The following TRANK1 variants were observed in gnomAD, a reference collection of about 807,000 sequenced individuals.
TRANK1 encodes tetratricopeptide repeat and ankyrin repeat containing 1.
In TRANK1, 198 loss-of-function variants were observed where a neutral mutation model predicts 266.0. The observed-to-expected ratio is 0.74, with a 90% CI of 0.66 to 0.84. TRANK1 has a LOEUF of 0.84. Ranked by LOEUF, TRANK1 falls within the 40% of genes least tolerant of loss-of-function variation. The pLI, the probability that TRANK1 is intolerant of heterozygous loss-of-function variation, is 0.00. For synonymous variants in TRANK1, 1,396 were observed against 1,384.1 expected, an observed-to-expected ratio of 1.01 and a Z score of -0.19; for missense variants, 3,326 against 3,634.6, an observed-to-expected ratio of 0.92 and a Z score of 2.18.
chr3:36,884,802 A>C (rs1460486278), intron 8 of TRANK1, among the ~76,000 whole-genome samples: 1 of 152,036 alleles, frequency 6.6e-6, no homozygotes, highest in Non-Finnish European at 1.5e-5. Context: ...GCATGGTGGC[A>C]CACACCTGTA....
chr3:36,831,940 A>T lies in TRANK1; in HGVS notation c.7643T>A (p.Phe2548Tyr), dbSNP rs756344037. The part of the protein sequence containing the change: ...NVNFNVLLDA[F>Y]SEIDYVVSGE... ...CGAGACCACATAGTCTATTTCACTG[A>T]AGGCATCAAGCAGGACGTTGAAGTT... Residue 2548 changes from phenylalanine to tyrosine, a missense_variant, in exon 22 of 24, where the codon TTC (phenylalanine) becomes TAC (tyrosine). Physicochemically the swap from Phe to Tyr is conservative, Grantham distance 22 (BLOSUM62 3). Transcript: ENST00000645898. This position sits in a 1 kb window ranked among gnomAD's most constrained non-coding sequence, Gnocchi z 5.0. 3 of 1,614,002 alleles carry T rather than the reference A, an allele frequency of 1.9e-6. No homozygotes were observed. Among genetic ancestry groups the T allele is most frequent in the South Asian group, 1.1e-5 (1 of 91,076 alleles).
intron 8 of TRANK1, among the ~76,000 whole-genome samples, chr3:36,878,236 C>T (rs1263141644): frequency 6.6e-6 from 1 of 152,168 alleles, no homozygotes; most frequent in Non-Finnish European, 1.5e-5. Flanking sequence ...GAGAATCTAA[C>T]TAATGCCTGG....
chr3:36,896,930 G>T (rs993972949), intron 4 of TRANK1, among the ~76,000 whole-genome samples: 1 of 152,056 alleles, frequency 6.6e-6, no homozygotes, highest in Non-Finnish European at 1.5e-5. Context: ...GGAGTCGGAG[G>T]TTGCAGTGAG....
chr3:36,833,093 C>T lies in TRANK1; in HGVS notation c.6490G>A (p.Val2164Met). The change falls in exon 22 of 24, where the codon GTG becomes ATG. Residue 2164 changes from valine to methionine, a missense_variant. Coordinates refer to ENST00000645898, the MANE Select transcript of TRANK1 (RefSeq NM_001329998.2). ...KDHFLIMTDQ[V>M]KLALNKHLLG... ...AGGTGTTTGTTTAGGGCTAATTTCA[C>T]TTGGTCAGTCATTATCAAAAAATGA... 6.2e-7 allele frequency: 1 copy of T among 1,612,626 alleles called. No individual in the cohort carries two copies. Among genetic ancestry groups the T allele is most frequent in the Non-Finnish European group, 8.5e-7 (1 of 1,179,184 alleles).
At chr3:36,839,193 A>G (rs4431050) in intron 18 of TRANK1, among the ~76,000 whole-genome samples, 128,850 of 152,176 alleles carry the variant, frequency 0.85, 55,373 homozygotes, top group East Asian at 0.96. Flanking sequence ...AATGGGGATA[A>G]AGATGGTATC....
chr3:36,842,682 G>T lies in TRANK1; in HGVS notation c.5220C>A (p.Thr1740=). The T allele has an allele frequency of 1.2e-6, 2 of 1,613,934 alleles. No homozygotes were observed. Among genetic ancestry groups the T allele is most frequent in the African/African-American group, 2.7e-5 (2 of 75,044 alleles). ...GTGCAATCCACTCCGCAGGAGTTGA[G>T]GTCTTAACGAACATGCTATCATCAA... ...KDFDDSMFVK[T]STPAEWIAQG... The change falls in exon 18 of 24, where the codon ACC becomes ACA. Residue 1740 remains threonine, a synonymous_variant. Coordinates refer to ENST00000645898, the MANE Select transcript of TRANK1 (RefSeq NM_001329998.2).
At position 36,897,947 on chromosome 3, in the gene TRANK1, T is replaced by C. The variant is rs111707053; in HGVS notation, c.433+1162A>G. On this transcript the variant is annotated intron_variant, in intron 4 of 23. Transcript: ENST00000645898. ...TATGTCTTAGGCCAGGCCATTAGAG[T>C]AGTAACTTAATGCAGTGACACAAAA... Among the ~76,000 whole-genome samples, 288 of 152,066 alleles carry C rather than the reference T, an allele frequency of 1.9e-3. 2 individuals are homozygous for C. The highest frequency in any genetic ancestry group is 3.0e-3 in the Non-Finnish European group (204 of 67,996).
intron 21 of TRANK1, 48 bp from the exon 22 acceptor site, chr3:36,833,967 T>A: frequency 6.5e-7 from 1 of 1,527,074 alleles, no homozygotes; most frequent in Non-Finnish European, 8.7e-7. Flanking sequence ...ACCCAATCAA[T>A]AGAAAATTTC....
chr3:36,894,474 T>C (rs1164906891), intron 5 of TRANK1, among the ~76,000 whole-genome samples: 1 of 152,202 alleles, frequency 6.6e-6, no homozygotes, highest in Non-Finnish European at 1.5e-5. Flanking sequence ...AAATGTCTTT[T>C]AATGGGACCC....
In TRANK1 at chr3:36,833,484, G is replaced by A. The variant is rs2078726154; in HGVS notation, c.6099C>T (p.His2033=). 2 of 1,613,954 alleles carry A rather than the reference G, an allele frequency of 1.2e-6. No individual in the cohort carries two copies. Among genetic ancestry groups the A allele is most frequent in the Non-Finnish European group, 1.7e-6 (2 of 1,179,850 alleles). Residue 2033 remains histidine, a synonymous_variant, in exon 22 of 24, where the codon CAC becomes CAT. Transcript: ENST00000645898. Reference sequence around the variant, plus strand: ...CTCTCAGGATTACCCCTTGCAGGAAGTGGGCCTCCGCAATGCCAGACAACT... The same window carrying A: ...CTCTCAGGATTACCCCTTGCAGGAAATGGGCCTCCGCAATGCCAGACAACT... ...TGQLSGIAEA[H]FLQGVILRDF...
chr3:36,842,833 C>T (rs146631645), intron 17 of TRANK1, 123 bp from the exon 18 acceptor site: 29 of 826,292 alleles, frequency 3.5e-5, no homozygotes, highest in Admixed American at 2.5e-4. Context: ...TCCTAACTCC[C>T]GGTACCTCAG....
At chr3:36,891,499 A>G (rs765615162) in intron 7 of TRANK1, among the ~76,000 whole-genome samples, 5 of 152,238 alleles carry the variant, frequency 3.3e-5, no homozygotes, top group African/African-American at 4.8e-5. Flanking sequence ...GAGGTAGACT[A>G]GACAAGTTCT....
At chr3:36,927,785 C>T (rs1348852702) in intron 1 of TRANK1, among the ~76,000 whole-genome samples, 1 of 152,172 alleles carries the variant, frequency 6.6e-6, no homozygotes, top group African/African-American at 2.4e-5. Context: ...TTTTTCTACT[C>T]AGTGGAAATT....
At chr3:36,877,668 A>C (rs2079408889) in intron 8 of TRANK1, among the ~76,000 whole-genome samples, 1 of 152,236 alleles carries the variant, frequency 6.6e-6, no homozygotes. Context: ...TGCTGAACAG[A>C]ATGTACAGTG....
rs568909208 is a variant in TRANK1, at chr3:36,864,742, A to T, written c.1079-262T>A. On this transcript the variant is annotated intron_variant, in intron 9 of 23. Coordinates refer to ENST00000645898, the MANE Select transcript of TRANK1 (RefSeq NM_001329998.2). ...AAGCCTGGGCCTCAAGAAGCCTTGT[A>T]TACTTCTGCTGACTTTCTTGAGGCT... is the stretch of plus-strand genomic sequence containing the variant. 2.6e-5 allele frequency among the ~76,000 whole-genome samples: 4 copies of T among 152,314 alleles called. No individual in the cohort carries two copies. In the South Asian group the frequency reaches 8.3e-4, roughly 32 times the overall value.
At chr3:36,874,418 G>A in intron 8 of TRANK1, 122 bp from the exon 9 acceptor site, 1 of 1,065,226 alleles carries the variant, frequency 9.4e-7, no homozygotes, top group Admixed American at 2.9e-5. Flanking sequence ...AGGGTCTTCT[G>A]TTTGTGGAGC....
intron 1 of TRANK1, among the ~76,000 whole-genome samples, chr3:36,932,571 A>G (rs953834205): frequency 1.3e-5 from 2 of 152,232 alleles, no homozygotes; most frequent in Non-Finnish European, 2.9e-5. Flanking sequence ...TCAAACAAAC[A>G]AACACGCACA....
chr3:36,830,319 TAAA>T (rs1284824798), intron 22 of TRANK1, among the ~76,000 whole-genome samples: 1 of 134,274 alleles, frequency 7.4e-6, no homozygotes. Flanking sequence ...CATCTCTATT[TAAA>T]AAAAAAAAAA....
intron 22 of TRANK1, 113 bp from the exon 23 acceptor site, chr3:36,829,775 T>C: frequency 9.0e-7 from 1 of 1,111,062 alleles, no homozygotes; most frequent in African/African-American, 1.5e-5. Flanking sequence ...ATGTTTTCCC[T>C]GAAAAGAGCC....
Sources: gnomAD v4.1 joint callset for allele counts (sites outside exome capture counted in the v4.1 genomes callset) on GRCh38, gnomAD v4.1.1 for gene constraint, Gnocchi (gnomAD v3.1) non-coding constraint, MANE v1.5 for transcripts, NCBI Gene and HGNC (gene_info 2026-07-23, HGNC 2026-07-21) for gene names.